The following PIK3C2G variants were observed in gnomAD, a reference collection of about 807,000 sequenced individuals.
The protein encoded by PIK3C2G is phosphatidylinositol-4-phosphate 3-kinase catalytic subunit type 2 gamma.
A neutral mutation model predicts 181.1 loss-of-function variants in PIK3C2G; 168 were observed. That is an observed-to-expected ratio of 0.93 (90% CI 0.82 to 1.05). The LOEUF (loss-of-function observed/expected upper bound fraction) is 1.05, where lower values mean the gene tolerates loss of function less well. Ranked by LOEUF, PIK3C2G falls within the 50% of genes least tolerant of loss-of-function variation. The pLI is 0.00. For missense variants in PIK3C2G, 1,869 were observed against 1,732.8 expected (o/e 1.08, Z -1.40); for synonymous variants, 573 against 592.2 (o/e 0.97, Z 0.47).
At chr12:18,564,502 A>T (rs1945517239) in intron 28 of PIK3C2G, among the ~76,000 whole-genome samples, 1 of 151,708 alleles carries the variant, frequency 6.6e-6, no homozygotes, top group Non-Finnish European at 1.5e-5. Flanking sequence ...GTTAGTGCAT[A>T]GGGAGATATT....
rs545806743 is a variant in PIK3C2G at position 18,444,218 on chromosome 12, C to T, written c.2504+20179C>T. Among the ~76,000 whole-genome samples the T allele has an allele frequency of 8.5e-5, 13 of 152,284 alleles. No individual in the cohort carries two copies. In the South Asian group the frequency reaches 1.0e-3, roughly 12 times the overall value. On this transcript the variant is annotated intron_variant, in intron 18 of 32. Transcript: ENST00000538779. ...TGGCATTCAGTGCCCTTTCCTGGAA[C>T]GGCCACCCCTGTCTTTACCTCCTGG... is the stretch of plus-strand genomic sequence containing the variant.
chr12:18,333,281 A>G (rs1021377599), intron 8 of PIK3C2G, among the ~76,000 whole-genome samples: 1 of 151,744 alleles, frequency 6.6e-6, no homozygotes, highest in Non-Finnish European at 1.5e-5. Flanking sequence ...CTATATTTTC[A>G]TTTGTTTGTT....
At position 18,420,988 on chromosome 12, in the gene PIK3C2G, A is replaced by C; in HGVS notation, c.2363A>C (p.Asn788Thr). Reference sequence around the variant, plus strand: ...AAAGTGGCAGTTCAACAATTAGACAACCTCTTGAATGATGAACTACTGGAA... The same window carrying C: ...AAAGTGGCAGTTCAACAATTAGACACCCTCTTGAATGATGAACTACTGGAA... ...IRKVAVQQLD[N>T]LLNDELLEYL... Residue 788 changes from asparagine to threonine, a missense_variant, in exon 17 of 33, where the codon AAC becomes ACC. Physicochemically the swap from Asn to Thr is moderately conservative, Grantham distance 65 (BLOSUM62 0). Coordinates refer to ENST00000538779, the MANE Select transcript of PIK3C2G (RefSeq NM_001288772.2). 1 of 1,607,356 alleles carries C rather than the reference A, an allele frequency of 6.2e-7. No homozygotes were observed. The highest frequency in any genetic ancestry group is 2.2e-5 in the East Asian group (1 of 44,714).
intron 8 of PIK3C2G, among the ~76,000 whole-genome samples, chr12:18,325,560 T>C (rs1951302722): frequency 6.6e-6 from 1 of 151,752 alleles, no homozygotes; most frequent in Admixed American, 6.6e-5. Context: ...ATACAAAAAT[T>C]AGCTGGGCGT....
chr12:18,328,042 G>T (rs1951425848), intron 8 of PIK3C2G, among the ~76,000 whole-genome samples: 1 of 151,940 alleles, frequency 6.6e-6, no homozygotes, highest in African/African-American at 2.4e-5. Flanking sequence ...TAAAATGCCA[G>T]TGAGGATCAT....
intron 11 of PIK3C2G, among the ~76,000 whole-genome samples, chr12:18,348,520 A>G (rs1283340877): frequency 6.6e-6 from 1 of 152,168 alleles, no homozygotes; most frequent in African/African-American, 2.4e-5. Context: ...TAATCAATAA[A>G]TAAATTAGGG....
At chr12:18,712,375 T>G in the PIK3C2G span, among the ~76,000 whole-genome samples, 1 of 152,184 alleles carries the variant, frequency 6.6e-6, no homozygotes, top group African/African-American at 2.4e-5. Flanking sequence ...TAAACATTTT[T>G]GAATCCAAAG....
chr12:18,723,380 G>A, the PIK3C2G span: 1 of 1,612,910 alleles, frequency 6.2e-7, no homozygotes, highest in Non-Finnish European at 8.5e-7. Context: ...GCTGCATATT[G>A]TTCTTGTGTC....
At chr12:18,456,921 C>T (rs1947659385) in intron 18 of PIK3C2G, among the ~76,000 whole-genome samples, 2 of 152,144 alleles carry the variant, frequency 1.3e-5, no homozygotes, top group South Asian at 4.1e-4. Flanking sequence ...AATGGCAGAG[C>T]TGGATTGACA....
chr12:18,693,447 T>A, the PIK3C2G span: 1 of 1,605,764 alleles, frequency 6.2e-7, no homozygotes, highest in African/African-American at 1.3e-5. Flanking sequence ...GGGGTCATTC[T>A]CTGTGGTCCA....
intron 31 of PIK3C2G, among the ~76,000 whole-genome samples, chr12:18,611,776 A>C (rs1009634268): frequency 5.3e-5 from 8 of 152,090 alleles, no homozygotes; most frequent in African/African-American, 1.9e-4. Flanking sequence ...AAATTCTGTC[A>C]TTCTGCTTTC....
chr12:18,366,138 T>C (rs554636955), intron 12 of PIK3C2G, among the ~76,000 whole-genome samples: 1 of 152,216 alleles, frequency 6.6e-6, no homozygotes, highest in Non-Finnish European at 1.5e-5. Context: ...TTCTTCTGTC[T>C]AAAAATCCTG....
chr12:18,423,873 C>A (rs114531770), intron 17 of PIK3C2G, 72 bp from the exon 18 acceptor site: 2 of 855,436 alleles, frequency 2.3e-6, no homozygotes, highest in Non-Finnish European at 3.9e-6. Flanking sequence ...TTTTCTCAAG[C>A]CTCTGAAGTC....
chr12:18,662,086 G>A, the PIK3C2G span, among the ~76,000 whole-genome samples: 1 of 151,984 alleles, frequency 6.6e-6, no homozygotes, highest in African/African-American at 2.4e-5. Context: ...GAGTACACAT[G>A]GACACAAAAA....
intron 7 of PIK3C2G, among the ~76,000 whole-genome samples, chr12:18,321,459 AC>A (rs1309857756): frequency 6.6e-6 from 1 of 152,194 alleles, no homozygotes; most frequent in African/African-American, 2.4e-5. Context: ...AAATTGGAAA[AC>A]TTGATTGACA....
chr12:18,683,085 T>C, the PIK3C2G span: 1 of 701,056 alleles, frequency 1.4e-6, no homozygotes, highest in Non-Finnish European at 2.4e-6. Context: ...CTTCCACTGA[T>C]TTATTTTTGT....
At chr12:18,349,932 A>G (rs1371479947) in intron 11 of PIK3C2G, among the ~76,000 whole-genome samples, 4 of 152,170 alleles carry the variant, frequency 2.6e-5, no homozygotes, top group African/African-American at 4.8e-5. Context: ...GAATAGAGAA[A>G]TGTGTCATAC....
the PIK3C2G span, among the ~76,000 whole-genome samples, chr12:18,712,481 T>C: frequency 1.3e-5 from 2 of 152,202 alleles, no homozygotes; most frequent in Non-Finnish European, 1.5e-5. Context: ...CATTTTATTT[T>C]GTCTTGAAAG....
chr12:18,273,635 C>A (rs886963832), intron 1 of PIK3C2G, among the ~76,000 whole-genome samples: 1 of 152,068 alleles, frequency 6.6e-6, no homozygotes, highest in Non-Finnish European at 1.5e-5. Context: ...CTTCTTTACA[C>A]CTTATACAAA....
Sources: allele counts gnomAD v4.1 joint callset (sites outside exome capture counted in the v4.1 genomes callset), GRCh38; gene constraint gnomAD v4.1.1; transcripts MANE v1.5; gene names NCBI Gene and HGNC (gene_info 2026-07-23, HGNC 2026-07-21).